KIAA0319L: variants seen among roughly 807,000 people sequenced by gnomAD.
KIAA0319L encodes dyslexia-associated protein KIAA0319-like protein.
In KIAA0319L, 55 loss-of-function variants were observed where a neutral mutation model predicts 120.1. The observed-to-expected ratio is 0.46, with a 90% CI of 0.37 to 0.57. The LOEUF is 0.57. KIAA0319L is among the 20% of genes least tolerant of loss of function. KIAA0319L has a pLI of 0.00. For missense variants in KIAA0319L, 1,049 were observed against 1,255.3 expected, an observed-to-expected ratio of 0.84 and a Z score of 2.48; for synonymous variants, 398 against 471.9, an observed-to-expected ratio of 0.84 and a Z score of 2.03.
At chr1:35,456,853 A>G (rs1570665005) in intron 9 of KIAA0319L, among the ~76,000 whole-genome samples, 2 of 126,906 alleles carry the variant, frequency 1.6e-5, no homozygotes. Flanking sequence ...GGAGAGATGG[A>G]GGGAAGGAGG....
chr1:35,496,946 CCAAAAAAAAAAAAAA>C (rs1644831497), intron 3 of KIAA0319L, among the ~76,000 whole-genome samples: 1 of 64,394 alleles, frequency 1.6e-5, no homozygotes, highest in African/African-American at 1.2e-4. Context: ...GATTGTGTCT[CCAAAAAAAAAAAAAA>C]AAAAAAAAAG....
intron 8 of KIAA0319L, among the ~76,000 whole-genome samples, chr1:35,460,660 CCTCTGGTT>C (rs1254795457): frequency 4.5e-4 from 68 of 152,238 alleles, no homozygotes; most frequent in Non-Finnish European, 1.8e-4. Flanking sequence ...ACACAGGCAA[CCTCTGGTT>C]AAAATACTAC....
At chr1:35,538,914 C>T (rs920708615) in intron 2 of KIAA0319L, among the ~76,000 whole-genome samples, 6 of 151,792 alleles carry the variant, frequency 4.0e-5, no homozygotes, top group South Asian at 2.1e-4. Flanking sequence ...CTCCTGACTG[C>T]CAAATTATCT....
At chr1:35,482,694 G>A (rs185840430) in intron 3 of KIAA0319L, among the ~76,000 whole-genome samples, 2 of 152,324 alleles carry the variant, frequency 1.3e-5, no homozygotes, top group South Asian at 2.1e-4. Context: ...CTCCCAAAGT[G>A]CTGGGATTAC....
intron 2 of KIAA0319L, among the ~76,000 whole-genome samples, chr1:35,515,168 C>T (rs1203784164): frequency 1.3e-5 from 2 of 152,048 alleles, no homozygotes; most frequent in East Asian, 3.9e-4. Flanking sequence ...CAAAATTAGC[C>T]GGGTGTGCTG....
chr1:35,476,057 T>C (rs891844859), intron 4 of KIAA0319L, among the ~76,000 whole-genome samples: 1 of 152,260 alleles, frequency 6.6e-6, no homozygotes, highest in Admixed American at 6.5e-5. Context: ...CAGTTCAAAC[T>C]GATCTAATCT....
upstream of KIAA0319L, chr1:35,557,458 C>T (rs1343582232): frequency 2.8e-6 from 1 of 352,976 alleles, no homozygotes; most frequent in Non-Finnish European, 5.6e-6. Context: ...TCCATGCTAA[C>T]CAAGCCCTCC....
chr1:35,442,214 C>T (rs1318973274), intron 19 of KIAA0319L, 32 bp downstream of exon 19: 3 of 1,510,188 alleles, frequency 2.0e-6, no homozygotes, highest in African/African-American at 2.8e-5. Flanking sequence ...GACAAGAAGC[C>T]CGAATGAATT....
In KIAA0319L at chr1:35,456,586, C is replaced by T. The variant is rs143068073; in HGVS notation, c.1428-345G>A. Among the ~76,000 whole-genome samples the T allele has an allele frequency of 6.5e-3, 996 of 152,110 alleles. 17 individuals are homozygous for T. Among genetic ancestry groups the T allele is most frequent in the Admixed American group, 0.036 (544 of 15,288 alleles). The stretch of plus-strand genomic sequence containing the variant: ...CAGCACTTTGGGAGGCCAAGGCGTG[C>T]GGATCACCTGAGGTTGGAAGTTTGA... On this transcript the variant is annotated intron_variant, in intron 9 of 20. Transcript: ENST00000325722.
At chr1:35,513,288 A>ATATATATATATATTTT in intron 2 of KIAA0319L, among the ~76,000 whole-genome samples, 1 of 85,302 alleles carries the variant, frequency 1.2e-5, no homozygotes, top group South Asian at 4.3e-4. Flanking sequence ...ATATATATAT[A>ATATATATATATATTTT]TTTTTTTTTT....
chr1:35,446,966 C>T (rs766400689), intron 16 of KIAA0319L, among the ~76,000 whole-genome samples: 2 of 152,148 alleles, frequency 1.3e-5, no homozygotes, highest in African/African-American at 4.8e-5. Flanking sequence ...GTTTCGCCTG[C>T]CTTCCCAATC....
intron 15 of KIAA0319L, among the ~76,000 whole-genome samples, chr1:35,449,624 G>C (rs1641898064): frequency 6.6e-6 from 1 of 152,162 alleles, no homozygotes; most frequent in South Asian, 2.1e-4. Flanking sequence ...AGCAAGTCCT[G>C]CCCTCTCTGA....
intron 2 of KIAA0319L, among the ~76,000 whole-genome samples, chr1:35,518,426 C>T (rs1421435555): frequency 6.6e-6 from 1 of 152,026 alleles, no homozygotes; most frequent in East Asian, 1.9e-4. Context: ...CATGGATAGA[C>T]CTGGAGGCTA....
chr1:35,501,836 C>G (rs767598367), intron 3 of KIAA0319L, among the ~76,000 whole-genome samples: 1 of 150,028 alleles, frequency 6.7e-6, no homozygotes, highest in South Asian at 2.1e-4. Flanking sequence ...CAAGATCGCA[C>G]CATTGCACTC....
At chr1:35,555,972 T>C (rs1647947689) in intron 1 of KIAA0319L, among the ~76,000 whole-genome samples, 1 of 152,246 alleles carries the variant, frequency 6.6e-6, no homozygotes, top group African/African-American at 2.4e-5. Flanking sequence ...TAACCAGTCA[T>C]TCCTCTGAAA....
intron 9 of KIAA0319L, among the ~76,000 whole-genome samples, chr1:35,458,893 T>C (rs1474310525): frequency 6.6e-6 from 1 of 151,754 alleles, no homozygotes; most frequent in Non-Finnish European, 1.5e-5. Context: ...AAGGCTCCAA[T>C]CTTGTTGTAC....
Position 35,460,234 on chromosome 1 carries a change from T to C in KIAA0319L, c.1427+71A>G, listed in dbSNP as rs1642794668. The C allele has an allele frequency of 4.0e-6, 5 of 1,245,168 alleles. No individual in the cohort carries two copies. The South Asian group carries it at 5.4e-5, about 13-fold the overall frequency. 77.1% of individuals were successfully genotyped at this position (1,245,168 alleles called of 1,614,324 possible). ...ATTTGATATTTGTCAAAGTTACTCATATAACAATGTAAAACCCACGAGAGG... is the reference window on the plus strand; with the variant it reads ...ATTTGATATTTGTCAAAGTTACTCACATAACAATGTAAAACCCACGAGAGG... On this transcript the variant is annotated intron_variant, in intron 9 of 20. Coordinates refer to ENST00000325722, the MANE Select transcript of KIAA0319L (RefSeq NM_024874.5).
At chr1:35,514,901 T>G (rs1570912950) in intron 2 of KIAA0319L, among the ~76,000 whole-genome samples, 1 of 152,332 alleles carries the variant, frequency 6.6e-6, no homozygotes, top group East Asian at 1.9e-4. Flanking sequence ...CTGATAGACC[T>G]CTACAGAACT....
chr1:35,493,082 T>C (rs1644659164), intron 3 of KIAA0319L, among the ~76,000 whole-genome samples: 1 of 152,188 alleles, frequency 6.6e-6, no homozygotes, highest in Admixed American at 6.5e-5. Context: ...GCATCCAGGT[T>C]GGAGAAGAAG....
Sources: allele counts gnomAD v4.1 joint callset (sites outside exome capture counted in the v4.1 genomes callset), GRCh38; gene constraint gnomAD v4.1.1; transcripts MANE v1.5; gene names NCBI Gene and HGNC (gene_info 2026-07-23, HGNC 2026-07-21).